TYW5: variants seen among roughly 807,000 people sequenced by gnomAD.
TYW5 encodes the protein tRNA wybutosine-synthesizing protein 5.
TYW5 carries 36 observed loss-of-function variants against 44.4 expected under a neutral mutation model. The observed-to-expected ratio is 0.81, with a 90% CI of 0.62 to 1.07. The LOEUF is 1.07. Ranked by LOEUF, TYW5 falls within the 50% of genes least tolerant of loss-of-function variation. The pLI, the probability that TYW5 is intolerant of heterozygous loss-of-function variation, is 0.00. For synonymous variants in TYW5, 121 were observed against 128.1 expected (o/e 0.94, Z 0.37); for missense variants, 354 against 365.7 (o/e 0.97, Z 0.26).
chr2:199,948,399 T>TA lies in TYW5; in HGVS notation c.151_152insT (p.Gln51LeufsTer22), dbSNP rs1237895164. 1.9e-6 allele frequency: 3 copies of TA among 1,614,066 alleles called. No homozygotes were observed. Among genetic ancestry groups the TA allele is most frequent in the Non-Finnish European group, 2.5e-6 (3 of 1,180,030 alleles). ...CTTTACTTCTTTCTTCCCTCCAACT[T>TA]GGCTTAGGTAATCCACTGTCCATTT... On this transcript the variant is annotated frameshift_variant, in exon 2 of 8. Transcript: ENST00000354611. LOFTEE classifies it high-confidence loss of function.
rs777137324 is a variant in TYW5 at position 199,936,432 on chromosome 2, G to A, written c.547C>T (p.Arg183Ter). ...TTTAAATATAAATACTGGGCATCTC[G>A]AGGACTGAAGAGTACAACACGCTTT... The part of the protein sequence containing the change: ...GKKRVVLFSP[R>*]DAQYLYLKGT... The change falls in exon 6 of 8, where the codon CGA (arginine) becomes TGA (stop). Residue 183 changes from arginine to a stop codon, truncating the protein, a stop_gained. Coordinates refer to ENST00000354611, the MANE Select transcript of TYW5 (RefSeq NM_001039693.3). LOFTEE classifies it high-confidence loss of function. 5.0e-5 allele frequency: 81 copies of A among 1,612,962 alleles called. No individual in the cohort carries two copies. The highest frequency in any genetic ancestry group is 6.5e-5 in the Non-Finnish European group (77 of 1,179,554).
In TYW5 at chr2:199,931,772, G is replaced by A. The variant is rs576427293; in HGVS notation, c.*1295C>T. 6.6e-6 allele frequency: 1 copy of A among 152,202 alleles called. No homozygotes were observed. The highest frequency in any genetic ancestry group is 1.5e-5 in the Non-Finnish European group (1 of 68,006). The allele number at this position is 152,202 out of a possible 1,614,324, so 9.4% of individuals were successfully genotyped here. Reference sequence around the variant, plus strand: ...TCTAATTAAAATGCACCAAATTGATGTACTAAGAGATTGCTTTAGATGAAC... The same window carrying A: ...TCTAATTAAAATGCACCAAATTGATATACTAAGAGATTGCTTTAGATGAAC... On this transcript the variant is annotated 3_prime_UTR_variant, in exon 8 of 8. Transcript: ENST00000354611.
chr2:199,948,546 G>C, intron 1 of TYW5, 74 bp from the exon 2 acceptor site: 1 of 1,496,212 alleles, frequency 6.7e-7, no homozygotes, highest in Non-Finnish European at 9.2e-7. Context: ...TTGGCAACAG[G>C]GAGACAAAAA....
Position 199,929,397 on chromosome 2 carries a change from T to G in TYW5, c.*3670A>C, listed in dbSNP as rs941510132. 2.6e-5 allele frequency among the ~76,000 whole-genome samples: 4 copies of G among 152,062 alleles called. No homozygotes were observed. The highest frequency in any genetic ancestry group is 9.7e-5 in the African/African-American group (4 of 41,354). ...TTAAGACACCCAAAAACTTGTGGCT[T>G]GTATGCTTGAAACAAGACTAAGGTA... On this transcript the variant is annotated 3_prime_UTR_variant, in exon 8 of 8. Transcript: ENST00000354611.
chr2:199,955,253 A>C, intron 1 of TYW5, 140 bp downstream of exon 1: 1 of 936,434 alleles, frequency 1.1e-6, no homozygotes, highest in South Asian at 1.7e-5. Flanking sequence ...CCTTGGTCTA[A>C]GGGCCAACCA....
At position 199,930,095 on chromosome 2, in the gene TYW5, C is replaced by T. The variant is rs2077363815; in HGVS notation, c.*2972G>A. 1 of 151,720 alleles carries T rather than the reference C, an allele frequency of 6.6e-6. No homozygotes were observed. Among genetic ancestry groups the T allele is most frequent in the South Asian group, 2.1e-4 (1 of 4,798 alleles). 9.4% of individuals were successfully genotyped at this position (151,720 alleles called of 1,614,324 possible). ...GGCTCAAGTGATCCTCCTATCTTAG[C>T]CTCCTGAGTAGCTGGGACTACAGGC... On this transcript the variant is annotated 3_prime_UTR_variant, in exon 8 of 8. Transcript: ENST00000354611.
At chr2:199,948,609 A>G in intron 1 of TYW5, 137 bp from the exon 2 acceptor site, 2 of 764,484 alleles carry the variant, frequency 2.6e-6, no homozygotes, top group African/African-American at 3.5e-5. Context: ...AGCTTCTGAC[A>G]GTTCATGCTG....
At chr2:199,948,233 TG>T in intron 2 of TYW5, 84 bp downstream of exon 2, 1 of 1,381,654 alleles carries the variant, frequency 7.2e-7, no homozygotes, top group Non-Finnish European at 1.0e-6. Context: ...AAATGCCATA[TG>T]GTCTTTGTAT....
intron 1 of TYW5, among the ~76,000 whole-genome samples, chr2:199,952,741 G>A (rs115739656): frequency 2.0e-4 from 30 of 152,134 alleles, no homozygotes; most frequent in African/African-American, 6.0e-4. Flanking sequence ...TAGATTATAG[G>A]GGAATTTACC....
At chr2:199,944,588 G>GT (rs1446767389) in intron 2 of TYW5, 1 of 152,096 alleles carries the variant, frequency 6.6e-6, no homozygotes, top group Non-Finnish European at 1.5e-5. Flanking sequence ...AGAATCAAAA[G>GT]TACTGCTCTA....
intron 1 of TYW5, among the ~76,000 whole-genome samples, chr2:199,952,385 AAT>A (rs575066011): frequency 3.6e-4 from 55 of 152,332 alleles, no homozygotes; most frequent in African/African-American, 1.3e-3. Flanking sequence ...AATTTTTGCC[AAT>A]ATGATATATA....
chr2:199,944,202 G>A, intron 2 of TYW5: 1 of 169,952 alleles, frequency 5.9e-6, no homozygotes, highest in Non-Finnish European at 1.3e-5. Flanking sequence ...AAGTGGCATG[G>A]CAAAACAAAT....
intron 1 of TYW5, among the ~76,000 whole-genome samples, chr2:199,952,006 G>A (rs1316814317): frequency 6.7e-5 from 10 of 148,984 alleles, no homozygotes; most frequent in South Asian, 2.1e-4. Context: ...GACAGAGCAA[G>A]ACTCCGTCTC....
chr2:199,954,578 T>C (rs758615916), intron 1 of TYW5, among the ~76,000 whole-genome samples: 1 of 152,004 alleles, frequency 6.6e-6, no homozygotes, highest in East Asian at 1.9e-4. Context: ...ATTACAGGTA[T>C]GGGCCACCAC....
chr2:199,941,594 A>G (rs2077465238), intron 3 of TYW5, among the ~76,000 whole-genome samples: 1 of 152,192 alleles, frequency 6.6e-6, no homozygotes, highest in Admixed American at 6.5e-5. Context: ...GCACCACATC[A>G]CATAGATTCT....
chr2:199,935,815 G>A lies in TYW5; in HGVS notation c.691+116C>T, dbSNP rs150496627. The A allele has an allele frequency of 2.0e-4, 133 of 674,702 alleles. 2 individuals are homozygous for A. The East Asian group carries it at 3.5e-3, about 18-fold the overall frequency. 41.8% of individuals were successfully genotyped at this position (674,702 alleles called of 1,614,324 possible). On this transcript the variant is annotated intron_variant, in intron 7 of 7. Transcript: ENST00000354611. Reference sequence around the variant, plus strand: ...TTTTGTCTAAAAATCATCTTGTATAGGACCGGATACATATAACAAATATAT... The same window carrying A: ...TTTTGTCTAAAAATCATCTTGTATAAGACCGGATACATATAACAAATATAT...
chr2:199,935,883 GA>G, intron 7 of TYW5, 47 bp downstream of exon 7: 2 of 1,191,830 alleles, frequency 1.7e-6, no homozygotes, highest in Non-Finnish European at 2.5e-6. Flanking sequence ...ATGAGTGACA[GA>G]GTACACATTT....
Position 199,940,112 on chromosome 2 carries a change from A to C in TYW5, c.325T>G (p.Ser109Ala), listed in dbSNP as rs1269088971. ...ACCTTTCTAGGGTCTTCTCCAAGTG[A>C]CCGTAAGTAGTATTTCTCATCCTTA... ...VSEDEKYYLRSLGEDPRKDVA... is the reference protein window; with the variant it reads ...VSEDEKYYLRALGEDPRKDVA... Residue 109 changes from serine (S) to alanine (A), a missense_variant, in exon 4 of 8, where the codon TCA becomes GCA. Transcript: ENST00000354611. 5 of 1,612,778 alleles carry C rather than the reference A, an allele frequency of 3.1e-6. No homozygotes were observed. Among genetic ancestry groups the C allele is most frequent in the Middle Eastern group, 1.7e-4 (1 of 6,048 alleles).
At chr2:199,947,260 A>G (rs2077510327) in intron 2 of TYW5, 1 of 152,228 alleles carries the variant, frequency 6.6e-6, no homozygotes, top group African/African-American at 2.4e-5. Flanking sequence ...AGTCTTGTGA[A>G]CTACATGGTT....
Sources: allele counts gnomAD v4.1 joint callset (sites outside exome capture counted in the v4.1 genomes callset), GRCh38; gene constraint gnomAD v4.1.1; transcripts MANE v1.5; gene names NCBI Gene and HGNC (gene_info 2026-07-23, HGNC 2026-07-21).